Variants in PDLIM5 observed in about 807,000 individuals in gnomAD.
PDLIM5 encodes the protein PDZ and LIM domain protein 5.
Under a neutral mutation model 64.2 loss-of-function variants are expected in PDLIM5, and 34 were observed. The observed-to-expected ratio is 0.53, with a 90% CI of 0.40 to 0.71. The LOEUF is 0.71. PDLIM5 is among the 30% of genes least tolerant of loss of function. The probability of loss-of-function intolerance (pLI) is 0.00; values close to 1 mark genes in which losing one functional copy is unlikely to be tolerated. For missense variants in PDLIM5, 683 were observed against 733.6 expected, an observed-to-expected ratio of 0.93 and a Z score of 0.80; for synonymous variants, 253 against 269.1, an observed-to-expected ratio of 0.94 and a Z score of 0.59.
intron 3 of PDLIM5, among the ~76,000 whole-genome samples, chr4:94,569,624 A>C (rs561101876): frequency 6.6e-6 from 1 of 152,118 alleles, no homozygotes; most frequent in Non-Finnish European, 1.5e-5. Context: ...TTCCTGTCCA[A>C]TTTTACCCCT....
chr4:94,639,475 A>C (rs1438515425), intron 8 of PDLIM5, among the ~76,000 whole-genome samples: 1 of 152,150 alleles, frequency 6.6e-6, no homozygotes, highest in Non-Finnish European at 1.5e-5. Context: ...GGGGAAGAGG[A>C]GGCAAAGTCA....
At position 94,455,365 on chromosome 4, in the gene PDLIM5, T is replaced by C; in HGVS notation, c.77T>C (p.Met26Thr). The change falls in exon 2 of 13, where the codon ATG becomes ACG. Residue 26 changes from methionine to threonine, a missense_variant. By Grantham distance (81) the Met-to-Thr change is moderately conservative (BLOSUM62 -1). Transcript: ENST00000317968. ...FRLQGGKDFN[M>T]PLTISSLKDG... Reference sequence around the variant, plus strand: ...CTGCAGGGCGGTAAGGATTTCAACATGCCTCTGACAATCTCTAGTGTAAGT... The same window carrying C: ...CTGCAGGGCGGTAAGGATTTCAACACGCCTCTGACAATCTCTAGTGTAAGT... The C allele has an allele frequency of 1.2e-6, 2 of 1,610,324 alleles. No homozygotes were observed. Among genetic ancestry groups the C allele is most frequent in the East Asian group, 2.2e-5 (1 of 44,868 alleles).
At chr4:94,573,567 C>G (rs1199110899) in intron 4 of PDLIM5, 174 bp downstream of exon 4, 1 of 695,104 alleles carries the variant, frequency 1.4e-6, no homozygotes, top group Admixed American at 2.0e-5. Flanking sequence ...TCAGCACATA[C>G]CATTTGTAAT....
intron 3 of PDLIM5, among the ~76,000 whole-genome samples, chr4:94,524,368 CAAAAAAAA>C (rs34215993): frequency 1.0e-3 from 80 of 77,216 alleles, no homozygotes; most frequent in Non-Finnish European, 1.2e-3. Context: ...GACCCTGTCT[CAAAAAAAA>C]AAAAAAAAAA....
chr4:94,662,445 A>G lies in PDLIM5; in HGVS notation c.1609A>G (p.Ile537Val), dbSNP rs763482542. The G allele has an allele frequency of 3.8e-6, 6 of 1,572,730 alleles. No homozygotes were observed. Among genetic ancestry groups the G allele is most frequent in the Middle Eastern group, 1.7e-4 (1 of 6,012 alleles). ...AGATTATTATGCCCTCTTTGGTACT[A>G]TATGCCATGGATGTGAATTTCCCAT... ...ETDYYALFGT[I>V]CHGCEFPIEA... Residue 537 changes from isoleucine to valine, a missense_variant, in exon 12 of 13, where the codon ATA becomes GTA. Transcript: ENST00000317968.
chr4:94,500,603 A>G (rs1727824439), intron 2 of PDLIM5, among the ~76,000 whole-genome samples: 1 of 152,192 alleles, frequency 6.6e-6, no homozygotes, highest in Non-Finnish European at 1.5e-5. Flanking sequence ...AAAAGAAGTG[A>G]TAGCAACTAA....
In PDLIM5 at chr4:94,618,972, G is replaced by C. The variant is rs542221993; in HGVS notation, c.1108+781G>C. Among the ~76,000 whole-genome samples the C allele has an allele frequency of 1.8e-4, 28 of 152,222 alleles. No homozygotes were observed. In the South Asian group the frequency reaches 3.5e-3, roughly 19 times the overall value. On this transcript the variant is annotated intron_variant, in intron 8 of 12. Coordinates refer to ENST00000317968, the MANE Select transcript of PDLIM5 (RefSeq NM_006457.5). ...CTCTCCCTGGGTGATCTCTCATCCA[G>C]GTTCCTTTCATTACTTAGTTATCGA...
At chr4:94,561,985 C>T (rs1043343084) in intron 3 of PDLIM5, among the ~76,000 whole-genome samples, 3 of 152,196 alleles carry the variant, frequency 2.0e-5, no homozygotes, top group African/African-American at 4.8e-5. Flanking sequence ...CAGACATGTA[C>T]TAGCCAGAGC....
chr4:94,632,475 A>C (rs1353003928), intron 8 of PDLIM5, among the ~76,000 whole-genome samples: 1 of 152,198 alleles, frequency 6.6e-6, no homozygotes, highest in Admixed American at 6.5e-5. Flanking sequence ...CAGAGTAGAG[A>C]CCTTGTCTCT....
At chr4:94,523,625 T>C in intron 2 of PDLIM5, 99 bp from the exon 3 acceptor site, 1 of 757,174 alleles carries the variant, frequency 1.3e-6, no homozygotes, top group East Asian at 2.7e-5. Context: ...TTCAATAGTA[T>C]ATTAATATAC....
intron 3 of PDLIM5, among the ~76,000 whole-genome samples, chr4:94,559,368 TTC>T (rs1578374411): frequency 1.3e-5 from 2 of 152,236 alleles, no homozygotes; most frequent in East Asian, 3.8e-4. Context: ...CTCTGTCTTC[TTC>T]TAGCCATACT....
chr4:94,526,401 A>G (rs554836637), intron 3 of PDLIM5, among the ~76,000 whole-genome samples: 1 of 152,312 alleles, frequency 6.6e-6, no homozygotes, highest in East Asian at 1.9e-4. Flanking sequence ...CTACTTAATC[A>G]TATCTTCATA....
intron 2 of PDLIM5, among the ~76,000 whole-genome samples, chr4:94,501,574 C>A (rs1225792594): frequency 6.6e-6 from 1 of 151,930 alleles, no homozygotes; most frequent in Non-Finnish European, 1.5e-5. Context: ...GAATTTGGGG[C>A]CTGTATTTTA....
chr4:94,623,843 A>G (rs1220036921), intron 8 of PDLIM5, among the ~76,000 whole-genome samples: 3 of 152,222 alleles, frequency 2.0e-5, no homozygotes, highest in Non-Finnish European at 4.4e-5. Context: ...CTGCTATTAG[A>G]AAATAAGCAT....
chr4:94,626,004 A>G (rs899113103), intron 8 of PDLIM5, among the ~76,000 whole-genome samples: 2 of 152,246 alleles, frequency 1.3e-5, no homozygotes, highest in African/African-American at 2.4e-5. Context: ...TTGAAGAAGC[A>G]TGATACAAGT....
chr4:94,587,930 T>C, intron 7 of PDLIM5: 1 of 973,972 alleles, frequency 1.0e-6, no homozygotes, highest in Non-Finnish European at 1.2e-6. Flanking sequence ...CAGAGAAATA[T>C]TTTACTTAGT....
chr4:94,565,729 C>A (rs531038876), intron 3 of PDLIM5, among the ~76,000 whole-genome samples: 1 of 152,158 alleles, frequency 6.6e-6, no homozygotes. Flanking sequence ...AAATACTCCT[C>A]TTTTCTGGAA....
At chr4:94,623,652 A>G (rs1739431841) in intron 8 of PDLIM5, among the ~76,000 whole-genome samples, 1 of 152,168 alleles carries the variant, frequency 6.6e-6, no homozygotes, top group Non-Finnish European at 1.5e-5. Context: ...GGCACAGTTT[A>G]TAGGCCCTCA....
chr4:94,580,960 G>A (rs560361050), intron 5 of PDLIM5, among the ~76,000 whole-genome samples: 2 of 151,942 alleles, frequency 1.3e-5, no homozygotes, highest in African/African-American at 2.4e-5. Context: ...TATTTTGAGC[G>A]GTTGGGGAAT....
Sources: gnomAD v4.1 joint callset for allele counts (sites outside exome capture counted in the v4.1 genomes callset) on GRCh38, gnomAD v4.1.1 for gene constraint, MANE v1.5 for transcripts, NCBI Gene and HGNC (gene_info 2026-07-23, HGNC 2026-07-21) for gene names.